Variants in YTHDF2 observed in about 807,000 individuals in gnomAD.
YTHDF2 encodes YTH N6-methyladenosine RNA binding protein F2.
YTHDF2 carries 2 observed loss-of-function variants against 50.4 expected under a neutral mutation model. The ratio of observed to expected loss-of-function variants is 0.04; its 90% CI spans 0.02 to 0.12. YTHDF2 has a LOEUF of 0.12. YTHDF2 is among the 10% of genes least tolerant of loss of function. The pLI is 1.00. For synonymous variants in YTHDF2, 217 were observed against 255.6 expected (o/e 0.85, Z 1.44); for missense variants, 483 against 722.6 (o/e 0.67, Z 3.80).
At chr1:28,766,358 C>G (rs1339118499) in intron 4 of YTHDF2, among the ~76,000 whole-genome samples, 1 of 152,208 alleles carries the variant, frequency 6.6e-6, no homozygotes, top group Non-Finnish European at 1.5e-5. Flanking sequence ...CTCAAGCTAT[C>G]TGCCAGCTTC....
chr1:28,737,409 C>T (rs963035350), intron 1 of YTHDF2: 4 of 635,196 alleles, frequency 6.3e-6, no homozygotes, highest in African/African-American at 5.8e-5. Context: ...TCCTTGTTTC[C>T]TTCCCCTTCC....
intron 4 of YTHDF2, among the ~76,000 whole-genome samples, chr1:28,762,437 T>C (rs558933025): frequency 2.0e-5 from 3 of 152,334 alleles, no homozygotes; most frequent in African/African-American, 4.8e-5. Flanking sequence ...GACTCCCGTC[T>C]AAGCATTTTA....
intron 2 of YTHDF2, 131 bp downstream of exon 2, chr1:28,737,813 G>T: frequency 5.7e-6 from 6 of 1,046,934 alleles, no homozygotes; most frequent in Non-Finnish European, 6.9e-6. Context: ...GCACACTTAA[G>T]TATTTTGACC....
chr1:28,754,893 C>T (rs536221093), intron 4 of YTHDF2, among the ~76,000 whole-genome samples: 6 of 147,504 alleles, frequency 4.1e-5, no homozygotes, highest in African/African-American at 7.5e-5. Context: ...ATGAGAATCA[C>T]TTGAACCTGG....
At chr1:28,738,619 A>G (rs551930520) in intron 3 of YTHDF2, among the ~76,000 whole-genome samples, 28 of 151,884 alleles carry the variant, frequency 1.8e-4, no homozygotes, top group African/African-American at 6.0e-4. Flanking sequence ...TAGTTTTTCT[A>G]TTTTTTTAGT....
chr1:28,762,947 C>A (rs2088157398), intron 4 of YTHDF2, among the ~76,000 whole-genome samples: 1 of 152,120 alleles, frequency 6.6e-6, no homozygotes, highest in South Asian at 2.1e-4. Context: ...CTGCCTCAGC[C>A]TCCTGAATAG....
intron 4 of YTHDF2, among the ~76,000 whole-genome samples, chr1:28,757,162 T>C (rs2088046922): frequency 6.6e-6 from 1 of 152,196 alleles, no homozygotes; most frequent in African/African-American, 2.4e-5. Flanking sequence ...CAGTTAGCCA[T>C]TGGGAAAAGA....
intron 4 of YTHDF2, among the ~76,000 whole-genome samples, chr1:28,768,384 G>A (rs1368087087): frequency 6.6e-6 from 1 of 151,658 alleles, no homozygotes; most frequent in African/African-American, 2.4e-5. Flanking sequence ...GAGGCCAGAT[G>A]TGTGGGTTTG....
rs532952414 is a variant in YTHDF2, at chr1:28,737,242, C to T, written c.27+95C>T. The T allele has an allele frequency of 3.0e-4, 434 of 1,444,058 alleles. 2 individuals are homozygous for T. The African/African-American group carries it at 5.6e-3, about 19-fold the overall frequency. 89.5% of individuals were successfully genotyped at this position (1,444,058 alleles called of 1,614,324 possible). A position where few individuals can be genotyped will look rare whatever the true frequency, so the allele number is the denominator to read the frequency against. On this transcript the variant is annotated intron_variant, in intron 1 of 4. Coordinates refer to ENST00000373812, the MANE Select transcript of YTHDF2 (RefSeq NM_016258.3). ...CCGCTCCTGGGCAGGCCGAGCCGAG[C>T]CGAGGCGTCGTCTCTTGCGGGCCAG...
chr1:28,739,543 G>A (rs901056668), intron 3 of YTHDF2, among the ~76,000 whole-genome samples: 6 of 151,680 alleles, frequency 4.0e-5, no homozygotes, highest in African/African-American at 1.2e-4. Flanking sequence ...CAAGAGGTCC[G>A]CCCTCCTCGA....
At chr1:28,763,831 G>A (rs1386801940) in intron 4 of YTHDF2, among the ~76,000 whole-genome samples, 1 of 148,964 alleles carries the variant, frequency 6.7e-6, no homozygotes, top group Non-Finnish European at 1.5e-5. Flanking sequence ...ATATTTATGG[G>A]GTACAAAGTA....
chr1:28,762,247 C>T (rs556811807), intron 4 of YTHDF2, among the ~76,000 whole-genome samples: 2 of 152,056 alleles, frequency 1.3e-5, no homozygotes, highest in South Asian at 2.1e-4. Flanking sequence ...AAAAAATTAG[C>T]CGGGCATGGT....
chr1:28,738,728 C>A (rs2087732671), intron 3 of YTHDF2, among the ~76,000 whole-genome samples: 1 of 152,182 alleles, frequency 6.6e-6, no homozygotes. Context: ...CGTGAGCCAC[C>A]ACGCCTAGCC....
At chr1:28,736,844 C>G, upstream of YTHDF2, 30 of 333,480 alleles carry the variant, frequency 9.0e-5, no homozygotes, top group East Asian at 1.7e-4. Context: ...TCGCGCCGCG[C>G]GCGCCGCCCG....
chr1:28,736,955 C>A lies in YTHDF2; in HGVS notation c.-166C>A. The A allele has an allele frequency of 1.3e-6, 1 of 788,338 alleles. No individual in the cohort carries two copies. The allele number at this position is 788,338 out of a possible 1,614,324, so 48.8% of individuals were successfully genotyped here. A position where few individuals can be genotyped will look rare whatever the true frequency, so the allele number is the denominator to read the frequency against. On this transcript the variant is annotated 5_prime_UTR_variant, in exon 1 of 5. Transcript: ENST00000373812. ...CTCTTGGGCTAGAGCGTCGCCGAGTCGGAGCCGGAGCCTGAGCCGCGCGCT... is the reference window on the plus strand; with the variant it reads ...CTCTTGGGCTAGAGCGTCGCCGAGTAGGAGCCGGAGCCTGAGCCGCGCGCT...
chr1:28,738,777 C>T (rs144485928), intron 3 of YTHDF2, among the ~76,000 whole-genome samples: 226 of 152,200 alleles, frequency 1.5e-3, no homozygotes, highest in African/African-American at 5.0e-3. Context: ...TTTTCTCTGC[C>T]CTCTATCAGG....
At chr1:28,753,752 G>T (rs2087994353) in intron 4 of YTHDF2, among the ~76,000 whole-genome samples, 1 of 150,662 alleles carries the variant, frequency 6.6e-6, no homozygotes, top group Admixed American at 6.6e-5. Flanking sequence ...TGTCCCCCAG[G>T]CTGGAGTGCA....
At chr1:28,737,912 G>T (rs761646323) in intron 2 of YTHDF2, 82 of 597,014 alleles carry the variant, frequency 1.4e-4, no homozygotes, top group Non-Finnish European at 2.1e-4. Flanking sequence ...GTTTTGAAAC[G>T]CTCCAGGTCC....
intron 4 of YTHDF2, among the ~76,000 whole-genome samples, chr1:28,760,982 A>AGT (rs1478822343): frequency 1.3e-5 from 2 of 152,152 alleles, no homozygotes; most frequent in Non-Finnish European, 2.9e-5. Context: ...ACCACAAACA[A>AGT]GTGAGTAATG....
Sources: gnomAD v4.1 joint callset for allele counts (sites outside exome capture counted in the v4.1 genomes callset) on GRCh38, gnomAD v4.1.1 for gene constraint, MANE v1.5 for transcripts, NCBI Gene and HGNC (gene_info 2026-07-23, HGNC 2026-07-21) for gene names.